The following RPS6KC1 variants were observed in gnomAD, a reference collection of about 807,000 sequenced individuals.
The protein encoded by RPS6KC1 is ribosomal protein S6 kinase C1.
In RPS6KC1, 54 loss-of-function variants were observed where a neutral mutation model predicts 103.8. That is an observed-to-expected ratio of 0.52 (90% CI 0.42 to 0.65). The LOEUF (loss-of-function observed/expected upper bound fraction) is 0.65, where lower values mean the gene tolerates loss of function less well. RPS6KC1 is among the 30% of genes least tolerant of loss of function. The probability of loss-of-function intolerance (pLI) is 0.00; values close to 1 mark genes in which losing one functional copy is unlikely to be tolerated. For missense variants in RPS6KC1, 1,151 were observed against 1,253.8 expected (o/e 0.92, Z 1.24); for synonymous variants, 439 against 438.7 (o/e 1.00, Z -0.01).
chr1:213,218,601 C>T (rs1393840925), intron 8 of RPS6KC1, among the ~76,000 whole-genome samples: 1 of 152,116 alleles, frequency 6.6e-6, no homozygotes, highest in Non-Finnish European at 1.5e-5. Flanking sequence ...GGAGGCATCA[C>T]ACTACCTGAC....
intron 10 of RPS6KC1, among the ~76,000 whole-genome samples, chr1:213,233,000 T>C (rs1226949368): frequency 6.6e-6 from 1 of 152,192 alleles, no homozygotes; most frequent in African/African-American, 2.4e-5. Context: ...TAAATTGTTT[T>C]CCGTATCTCG....
the RPS6KC1 span, among the ~76,000 whole-genome samples, chr1:213,427,341 T>C: frequency 0.029 from 4,426 of 152,340 alleles, 78 homozygotes; most frequent in East Asian, 0.061. Flanking sequence ...GAATTTTTTG[T>C]AGGTCTCTGT....
chr1:213,653,770 G>A, the RPS6KC1 span, among the ~76,000 whole-genome samples: 1 of 152,104 alleles, frequency 6.6e-6, no homozygotes, highest in Non-Finnish European at 1.5e-5. Context: ...TTAAAATGTG[G>A]GTTTCTTTAT....
At chr1:213,282,829 C>G in the RPS6KC1 span, among the ~76,000 whole-genome samples, 1 of 152,368 alleles carries the variant, frequency 6.6e-6, no homozygotes, top group South Asian at 2.1e-4. Context: ...CACAGGGTTT[C>G]TGCCTTCGAG....
the RPS6KC1 span, among the ~76,000 whole-genome samples, chr1:213,826,399 G>T: frequency 0.12 from 17,611 of 152,142 alleles, 2,163 homozygotes; most frequent in African/African-American, 0.31. Context: ...TTAGCCCACA[G>T]TTTGCTTAGA....
the RPS6KC1 span, among the ~76,000 whole-genome samples, chr1:213,856,578 C>T: frequency 1.3e-5 from 2 of 151,598 alleles, no homozygotes; most frequent in African/African-American, 4.8e-5. Flanking sequence ...TGGCCTCAGC[C>T]CAATCACCAA....
the RPS6KC1 span, among the ~76,000 whole-genome samples, chr1:213,544,278 G>C: frequency 6.6e-6 from 1 of 152,142 alleles, no homozygotes; most frequent in Non-Finnish European, 1.5e-5. Context: ...TGGTACTTGT[G>C]ACCCAGGATG....
At chr1:213,256,187 T>G (rs1483720051) in intron 12 of RPS6KC1, among the ~76,000 whole-genome samples, 1 of 152,054 alleles carries the variant, frequency 6.6e-6, no homozygotes, top group East Asian at 1.9e-4. Flanking sequence ...TAGGCCTAAG[T>G]GTGTTAGAAA....
the RPS6KC1 span, chr1:213,820,974 C>T: frequency 6.6e-6 from 1 of 152,088 alleles, no homozygotes; most frequent in African/African-American, 2.4e-5. Flanking sequence ...TTGTCCCCTC[C>T]TACTACAACA....
At chr1:213,245,720 G>T (rs1428855958) in intron 12 of RPS6KC1, among the ~76,000 whole-genome samples, 1 of 151,910 alleles carries the variant, frequency 6.6e-6, no homozygotes, top group Non-Finnish European at 1.5e-5. Flanking sequence ...ACTAGCAGGG[G>T]GGCCATTATT....
chr1:213,683,522 C>T, the RPS6KC1 span, among the ~76,000 whole-genome samples: 11 of 152,294 alleles, frequency 7.2e-5, no homozygotes, highest in East Asian at 1.4e-3. Context: ...CTGCCCAGCA[C>T]CCTCAGCAGG....
chr1:213,851,871 G>T, the RPS6KC1 span, among the ~76,000 whole-genome samples: 1 of 152,166 alleles, frequency 6.6e-6, no homozygotes, highest in South Asian at 2.1e-4. Flanking sequence ...CCTCCATTCA[G>T]CCTGTCTTCG....
chr1:213,058,290 A>G (rs2077524181), intron 1 of RPS6KC1, among the ~76,000 whole-genome samples: 5 of 152,020 alleles, frequency 3.3e-5, no homozygotes, highest in Admixed American at 3.3e-4. Flanking sequence ...CCAGTTTATC[A>G]GTTCTTTATT....
chr1:213,150,221 C>T (rs1361668345), intron 6 of RPS6KC1, among the ~76,000 whole-genome samples: 2 of 151,572 alleles, frequency 1.3e-5, no homozygotes, highest in African/African-American at 4.8e-5. Flanking sequence ...TTCTTTCTTT[C>T]CTTCCTGTCT....
chr1:213,304,667 C>T, the RPS6KC1 span, among the ~76,000 whole-genome samples: 6 of 151,882 alleles, frequency 4.0e-5, no homozygotes, highest in African/African-American at 1.2e-4. Context: ...CTTAGCCTCC[C>T]GAGTAGCTGG....
At chr1:213,073,733 T>A (rs1227235573) in intron 2 of RPS6KC1, among the ~76,000 whole-genome samples, 1 of 152,166 alleles carries the variant, frequency 6.6e-6, no homozygotes, top group African/African-American at 2.4e-5. Flanking sequence ...TGGAGTGCAG[T>A]GGCATGATCT....
At chr1:213,462,449 GCA>G in the RPS6KC1 span, among the ~76,000 whole-genome samples, 3 of 152,122 alleles carry the variant, frequency 2.0e-5, no homozygotes, top group Non-Finnish European at 4.4e-5. Context: ...AAAGACACAT[GCA>G]CACGTATGTT....
intron 12 of RPS6KC1, among the ~76,000 whole-genome samples, chr1:213,258,609 G>A (rs1308862560): frequency 6.6e-6 from 1 of 152,152 alleles, no homozygotes; most frequent in South Asian, 2.1e-4. Context: ...TATGGAAGCC[G>A]AATTGTATAT....
At chr1:213,680,778 T>G in the RPS6KC1 span, among the ~76,000 whole-genome samples, 1 of 152,086 alleles carries the variant, frequency 6.6e-6, no homozygotes, top group Non-Finnish European at 1.5e-5. Context: ...CTCAGGGACT[T>G]TTTGAAGTTG....
Sources: gnomAD v4.1 joint callset for allele counts (sites outside exome capture counted in the v4.1 genomes callset) on GRCh38, gnomAD v4.1.1 for gene constraint, MANE v1.5 for transcripts, NCBI Gene and HGNC (gene_info 2026-07-23, HGNC 2026-07-21) for gene names.